The following MBD5 variants were observed in gnomAD, a reference collection of about 807,000 sequenced individuals.
The protein encoded by MBD5 is methyl-CpG binding domain protein 5, also known as methyl-CpG-binding domain protein 5.
MBD5 carries 13 observed loss-of-function variants against 117.3 expected under a neutral mutation model. The observed-to-expected ratio is 0.11, with a 90% CI of 0.07 to 0.18. The LOEUF (loss-of-function observed/expected upper bound fraction) is 0.18. Among genes scored for constraint, MBD5 ranks in the 10% least tolerant of loss-of-function variants. The pLI, the probability that MBD5 is intolerant of heterozygous loss-of-function variation, is 1.00. For synonymous variants in MBD5, 727 were observed against 766.4 expected (o/e 0.95, Z 0.85); for missense variants, 1,879 against 2,093.8 (o/e 0.90, Z 2.00).
chr2:148,300,671 T>C (rs890356833), intron 3 of MBD5, among the ~76,000 whole-genome samples: 1 of 152,190 alleles, frequency 6.6e-6, no homozygotes, highest in Non-Finnish European at 1.5e-5. Flanking sequence ...ATTTTCTATC[T>C]TACAGGCTTA....
chr2:148,486,369 G>A (rs1681340353), intron 10 of MBD5, among the ~76,000 whole-genome samples: 1 of 152,154 alleles, frequency 6.6e-6, no homozygotes, highest in African/African-American at 2.4e-5. Flanking sequence ...TAAGGAGGTA[G>A]GTGGAAAGGG....
chr2:148,256,120 C>T (rs1476417182), intron 3 of MBD5, among the ~76,000 whole-genome samples: 1 of 152,234 alleles, frequency 6.6e-6, no homozygotes, highest in Non-Finnish European at 1.5e-5. Flanking sequence ...GGGCACTCAC[C>T]CTGTTGTTAC....
rs971697539 is a variant in MBD5 at position 148,121,507 on chromosome 2, T to C, written c.-924-57193T>C. On this transcript the variant is annotated intron_variant, in intron 1 of 13. Coordinates refer to ENST00000642680, the MANE Select transcript of MBD5 (RefSeq NM_001378120.1). ...TATATCTAGCACCTACAAAAGCAGG[T>C]AATGTAAGATTCAAGAAACCATTAT... is the stretch of plus-strand genomic sequence containing the variant. Among the ~76,000 whole-genome samples, 3 of 152,068 alleles carry C rather than the reference T, an allele frequency of 2.0e-5. No homozygotes were observed. In the East Asian group the frequency reaches 5.8e-4, roughly 29 times the overall value.
chr2:148,023,059 C>T (rs1340231160), intron 1 of MBD5, among the ~76,000 whole-genome samples: 2 of 150,144 alleles, frequency 1.3e-5, no homozygotes, highest in East Asian at 3.9e-4. Flanking sequence ...CACACACTCT[C>T]TTTCGCTCGC....
intron 3 of MBD5, among the ~76,000 whole-genome samples, chr2:148,323,985 T>G (rs1322596681): frequency 1.3e-5 from 2 of 152,208 alleles, no homozygotes; most frequent in Non-Finnish European, 2.9e-5. Flanking sequence ...GGTCTAACGT[T>G]TAAGTCTTTA....
chr2:148,262,832 G>A (rs1700764212), intron 3 of MBD5, among the ~76,000 whole-genome samples: 1 of 152,224 alleles, frequency 6.6e-6, no homozygotes, highest in Non-Finnish European at 1.5e-5. Context: ...TGGCATTTTA[G>A]ATAGATTGTT....
At chr2:148,076,485 C>A (rs1695513884) in intron 1 of MBD5, among the ~76,000 whole-genome samples, 1 of 152,154 alleles carries the variant, frequency 6.6e-6, no homozygotes, top group Non-Finnish European at 1.5e-5. Context: ...CCATTTCAAT[C>A]ATTTCTTTCA....
At chr2:148,230,030 G>T (rs550175296) in intron 2 of MBD5, among the ~76,000 whole-genome samples, 193 of 152,272 alleles carry the variant, frequency 1.3e-3, no homozygotes, top group African/African-American at 4.5e-3. Context: ...CTCACCTGAG[G>T]CTTGCTGTAA....
chr2:148,323,454 T>C (rs1207032235), intron 3 of MBD5, among the ~76,000 whole-genome samples: 114 of 152,058 alleles, frequency 7.5e-4, no homozygotes, highest in Non-Finnish European at 1.4e-3. Context: ...TAGTTTACAG[T>C]CCCACCAACA....
At chr2:148,300,381 A>C (rs1701754549) in intron 3 of MBD5, among the ~76,000 whole-genome samples, 1 of 152,074 alleles carries the variant, frequency 6.6e-6, no homozygotes, top group South Asian at 2.1e-4. Flanking sequence ...AAAGCTCTTC[A>C]TTTGATTCTA....
At chr2:148,043,283 A>T (rs1694420171) in intron 1 of MBD5, among the ~76,000 whole-genome samples, 1 of 149,656 alleles carries the variant, frequency 6.7e-6, no homozygotes, top group South Asian at 2.1e-4. Flanking sequence ...AAAAAAATAA[A>T]AAAATAAATA....
At chr2:148,508,344 T>A (rs17357457) in intron 12 of MBD5, among the ~76,000 whole-genome samples, 6,268 of 152,218 alleles carry the variant, frequency 0.041, 161 homozygotes, top group African/African-American at 0.06. Flanking sequence ...TAGATGGTAT[T>A]TAAAACAGTT....
intron 1 of MBD5, among the ~76,000 whole-genome samples, chr2:148,159,537 T>G (rs544031504): frequency 6.6e-6 from 1 of 152,206 alleles, no homozygotes; most frequent in African/African-American, 2.4e-5. Flanking sequence ...CCACCTGCCT[T>G]GGACTCCCAA....
intron 2 of MBD5, among the ~76,000 whole-genome samples, chr2:148,229,817 A>G (rs1248850366): frequency 6.6e-6 from 1 of 152,166 alleles, no homozygotes; most frequent in Non-Finnish European, 1.5e-5. Flanking sequence ...ATTACCAGGC[A>G]TTGACTCTTG....
At chr2:148,170,193 G>A (rs1179771108) in intron 1 of MBD5, among the ~76,000 whole-genome samples, 2 of 152,146 alleles carry the variant, frequency 1.3e-5, no homozygotes, top group Non-Finnish European at 2.9e-5. Flanking sequence ...CACCGCGCCC[G>A]GCCCGGGATT....
chr2:148,173,166 G>A (rs1698303657), intron 1 of MBD5, among the ~76,000 whole-genome samples: 1 of 152,192 alleles, frequency 6.6e-6, no homozygotes. Context: ...AAAGAAAGAC[G>A]AGCTGTAACC....
chr2:148,426,218 C>T (rs553458923), intron 4 of MBD5, among the ~76,000 whole-genome samples: 1 of 152,270 alleles, frequency 6.6e-6, no homozygotes, highest in East Asian at 1.9e-4. Flanking sequence ...TGAAAATGGC[C>T]ATACTGCCCA....
chr2:148,174,512 C>T, intron 1 of MBD5, among the ~76,000 whole-genome samples: 1 of 151,502 alleles, frequency 6.6e-6, no homozygotes, highest in Non-Finnish European at 1.5e-5. Context: ...CAGAGACAGC[C>T]TACAGATTGG....
chr2:148,327,421 C>T (rs1702487116), intron 3 of MBD5, among the ~76,000 whole-genome samples: 1 of 152,154 alleles, frequency 6.6e-6, no homozygotes, highest in African/African-American at 2.4e-5. Flanking sequence ...GGATAATATC[C>T]TTTAGAGTGT....
Sources: allele counts gnomAD v4.1 joint callset (sites outside exome capture counted in the v4.1 genomes callset), GRCh38; gene constraint gnomAD v4.1.1; transcripts MANE v1.5; gene names NCBI Gene and HGNC (gene_info 2026-07-23, HGNC 2026-07-21).